Variants in CRPPA observed in about 807,000 individuals in gnomAD.
CRPPA encodes the protein D-ribitol-5-phosphate cytidylyltransferase.
A neutral mutation model predicts 52.0 loss-of-function variants in CRPPA; 43 were observed. That is an observed-to-expected ratio of 0.83 (90% CI 0.65 to 1.07). The LOEUF (loss-of-function observed/expected upper bound fraction) is 1.07, where lower values mean the gene tolerates loss of function less well. Among genes scored for constraint, CRPPA ranks in the 50% least tolerant of loss-of-function variants. The pLI, the probability that CRPPA is intolerant of heterozygous loss-of-function variation, is 0.00. For synonymous variants in CRPPA, 250 were observed against 203.5 expected (o/e 1.23, Z -1.94); for missense variants, 629 against 551.7 (o/e 1.14, Z -1.40).
chr7:16,344,443 G>A (rs1785953098), intron 3 of CRPPA, among the ~76,000 whole-genome samples: 2 of 150,704 alleles, frequency 1.3e-5, no homozygotes, highest in Admixed American at 1.3e-4. Flanking sequence ...ATGTATGGTG[G>A]CATGTGCCTA....
chr7:16,255,452 A>C (rs1350053622), intron 8 of CRPPA, among the ~76,000 whole-genome samples: 2 of 152,204 alleles, frequency 1.3e-5, no homozygotes, highest in Admixed American at 6.5e-5. Context: ...TTTAAAGTTC[A>C]TATGGAACCA....
In CRPPA at chr7:16,410,909, C is replaced by A. The variant is rs1011602680; in HGVS notation, c.258-4572G>T. Among the ~76,000 whole-genome samples the A allele has an allele frequency of 5.9e-5, 9 of 152,282 alleles. No homozygotes were observed. In the South Asian group the frequency reaches 6.2e-4, roughly 11 times the overall value. Reference sequence around the variant, plus strand: ...GCTCCCTCCAGGAAGCTTTCCCTGACTGCCATTCTGCATACAACATCCCTG... The same window carrying A: ...GCTCCCTCCAGGAAGCTTTCCCTGAATGCCATTCTGCATACAACATCCCTG... On this transcript the variant is annotated intron_variant, in intron 1 of 9. Coordinates refer to ENST00000407010, the MANE Select transcript of CRPPA (RefSeq NM_001101426.4).
intron 2 of CRPPA, among the ~76,000 whole-genome samples, chr7:16,392,435 T>A (rs1240095791): frequency 6.6e-6 from 1 of 152,166 alleles, no homozygotes; most frequent in East Asian, 1.9e-4. Flanking sequence ...AGCTACCTAG[T>A]TCATATGATA....
At chr7:16,275,532 TA>T (rs1345146666) in intron 6 of CRPPA, among the ~76,000 whole-genome samples, 1 of 152,036 alleles carries the variant, frequency 6.6e-6, no homozygotes, top group Non-Finnish European at 1.5e-5. Context: ...CTCTTCTACT[TA>T]AAAAGGAACA....
intron 3 of CRPPA, among the ~76,000 whole-genome samples, chr7:16,370,135 A>G (rs1454262444): frequency 6.6e-6 from 1 of 152,204 alleles, no homozygotes; most frequent in African/African-American, 2.4e-5. Flanking sequence ...AAGTTAGCCA[A>G]TGAACTCAGG....
intron 3 of CRPPA, among the ~76,000 whole-genome samples, chr7:16,338,227 G>T (rs1387669247): frequency 6.7e-6 from 1 of 149,038 alleles, no homozygotes; most frequent in Non-Finnish European, 1.5e-5. Context: ...GGGATGCAAG[G>T]ATAGTTCAAC....
intron 9 of CRPPA, among the ~76,000 whole-genome samples, chr7:16,180,309 T>C (rs748037262): frequency 1.3e-5 from 2 of 152,052 alleles, no homozygotes; most frequent in African/African-American, 4.8e-5. Context: ...GAACCAGAAA[T>C]ATAGGTACAA....
chr7:16,171,498 C>A (rs1166572017), intron 9 of CRPPA, among the ~76,000 whole-genome samples: 1 of 152,100 alleles, frequency 6.6e-6, no homozygotes, highest in Non-Finnish European at 1.5e-5. Flanking sequence ...TAAGTGCTTT[C>A]TCTCAGGCCT....
intron 9 of CRPPA, among the ~76,000 whole-genome samples, chr7:16,161,005 T>C (rs989762253): frequency 3.9e-5 from 6 of 152,230 alleles, no homozygotes; most frequent in African/African-American, 9.6e-5. Flanking sequence ...TTTTTGCACA[T>C]TGATTTTGTA....
intron 2 of CRPPA, among the ~76,000 whole-genome samples, chr7:16,404,215 T>C (rs974626966): frequency 4.6e-5 from 7 of 152,202 alleles, no homozygotes; most frequent in African/African-American, 1.2e-4. Flanking sequence ...CTTAAACAAG[T>C]TGTAAAGTTT....
In CRPPA at chr7:16,091,053, T is replaced by A. The variant is rs981040122; in HGVS notation, c.*642A>T. 1 of 152,216 alleles carries A rather than the reference T, an allele frequency of 6.6e-6. No individual in the cohort carries two copies. The highest frequency in any genetic ancestry group is 2.4e-5 in the African/African-American group (1 of 41,460). 9.4% of individuals were successfully genotyped at this position (152,216 alleles called of 1,614,324 possible). ...CCCTTTAAAATAATGTAAGTCATAA[T>A]TATAGTTCATAAACCAAAAATAACA... On this transcript the variant is annotated 3_prime_UTR_variant, in exon 10 of 10. Transcript: ENST00000407010.
At chr7:16,189,083 T>A (rs1781557994) in intron 9 of CRPPA, among the ~76,000 whole-genome samples, 1 of 152,138 alleles carries the variant, frequency 6.6e-6, no homozygotes, top group Admixed American at 6.6e-5. Context: ...CTGGTAGATA[T>A]AAACACACAT....
intron 9 of CRPPA, among the ~76,000 whole-genome samples, chr7:16,199,715 T>C (rs1005382062): frequency 6.6e-6 from 1 of 152,150 alleles, no homozygotes; most frequent in Non-Finnish European, 1.5e-5. Flanking sequence ...ATCTTTACAC[T>C]GGCTAGAGAA....
intron 9 of CRPPA, among the ~76,000 whole-genome samples, chr7:16,164,353 C>T (rs1035774700): frequency 2.0e-5 from 3 of 152,178 alleles, no homozygotes; most frequent in Non-Finnish European, 2.9e-5. Flanking sequence ...CGTTTTTCAG[C>T]TCCATCAGGT....
intron 3 of CRPPA, among the ~76,000 whole-genome samples, chr7:16,330,410 CTT>C (rs528941056): frequency 1.6e-3 from 246 of 152,300 alleles, no homozygotes; most frequent in Non-Finnish European, 3.1e-3. Flanking sequence ...ACCACTCCCT[CTT>C]ATATCCGTAA....
chr7:16,239,000 G>A (rs1783027818), intron 8 of CRPPA, among the ~76,000 whole-genome samples: 1 of 151,874 alleles, frequency 6.6e-6, no homozygotes, highest in African/African-American at 2.4e-5. Flanking sequence ...TTAGCCAGGT[G>A]TGGTGGCAGG....
intron 9 of CRPPA, among the ~76,000 whole-genome samples, chr7:16,120,703 T>C (rs1316321481): frequency 6.6e-6 from 1 of 152,124 alleles, no homozygotes; most frequent in African/African-American, 2.4e-5. Flanking sequence ...CTCATTGAAG[T>C]CATCCCTTGA....
At chr7:16,184,855 G>T (rs10081312) in intron 9 of CRPPA, among the ~76,000 whole-genome samples, 1 of 151,940 alleles carries the variant, frequency 6.6e-6, no homozygotes, top group Non-Finnish European at 1.5e-5. Context: ...CATAATCGTC[G>T]TTAGTGATTT....
chr7:16,337,827 A>G (rs968949171), intron 3 of CRPPA, among the ~76,000 whole-genome samples: 7 of 152,146 alleles, frequency 4.6e-5, no homozygotes, highest in African/African-American at 1.7e-4. Context: ...AAATAAACCA[A>G]TAACAATTAA....
Sources: gnomAD v4.1 joint callset for allele counts (sites outside exome capture counted in the v4.1 genomes callset) on GRCh38, gnomAD v4.1.1 for gene constraint, MANE v1.5 for transcripts, NCBI Gene and HGNC (gene_info 2026-07-23, HGNC 2026-07-21) for gene names.